TYW1B: variants seen among roughly 807,000 people sequenced by gnomAD.
TYW1B encodes the protein tRNA-yW synthesizing protein 1 homolog B.
In TYW1B, 73 loss-of-function variants were observed where a neutral mutation model predicts 86.9. That is an observed-to-expected ratio of 0.84 (90% CI 0.70 to 1.02). The LOEUF is 1.02. Ranked by LOEUF, TYW1B falls within the 50% of genes least tolerant of loss-of-function variation. The pLI is 0.00. For missense variants in TYW1B, 637 were observed against 827.4 expected (o/e 0.77, Z 2.82); for synonymous variants, 248 against 292.8 (o/e 0.85, Z 1.56).
At chr7:72,657,299 T>C (rs1554443797) in intron 11 of TYW1B, among the ~76,000 whole-genome samples, 1 of 152,080 alleles carries the variant, frequency 6.6e-6, no homozygotes, top group African/African-American at 2.4e-5. Context: ...CTCAGATTTT[T>C]TTAAAAAAGA....
intron 11 of TYW1B, among the ~76,000 whole-genome samples, chr7:72,635,376 G>A (rs1284433947): frequency 3.3e-5 from 5 of 152,210 alleles, no homozygotes; most frequent in African/African-American, 9.6e-5. Context: ...AACCAGGAGC[G>A]ATTCTGCACC....
intron 13 of TYW1B, among the ~76,000 whole-genome samples, chr7:72,604,048 G>A (rs1325493531): frequency 2.0e-5 from 3 of 152,102 alleles, no homozygotes; most frequent in Non-Finnish European, 4.4e-5. Context: ...TGTAACACAC[G>A]TACCACACCA....
intron 4 of TYW1B, among the ~76,000 whole-genome samples, chr7:72,808,178 T>G (rs1185481015): frequency 6.6e-6 from 1 of 152,060 alleles, no homozygotes; most frequent in Non-Finnish European, 1.5e-5. Flanking sequence ...AGAGGCCAGA[T>G]GCAGTGGCTC....
intron 13 of TYW1B, among the ~76,000 whole-genome samples, chr7:72,593,049 T>G: frequency 6.6e-6 from 1 of 152,068 alleles, no homozygotes; most frequent in East Asian, 1.9e-4. Context: ...ACACCTGTAA[T>G]CCCAGCACTT....
chr7:72,579,819 T>C (rs1312392865), intron 13 of TYW1B, among the ~76,000 whole-genome samples: 2 of 152,130 alleles, frequency 1.3e-5, no homozygotes, highest in East Asian at 3.9e-4. Context: ...CCCAACTAAT[T>C]TTTAAATTTT....
intron 6 of TYW1B, among the ~76,000 whole-genome samples, chr7:72,788,658 A>C (rs1211634544): frequency 1.3e-5 from 2 of 151,748 alleles, no homozygotes; most frequent in African/African-American, 4.8e-5. Context: ...TCAACCTCCC[A>C]AGTGGCTGGG....
chr7:72,677,467 T>C (rs1376929384), intron 11 of TYW1B, among the ~76,000 whole-genome samples: 1 of 152,024 alleles, frequency 6.6e-6, no homozygotes, highest in Non-Finnish European at 1.5e-5. Context: ...ATGTAAATTA[T>C]ACCTCAATTA....
intron 7 of TYW1B, chr7:72,769,034 A>G (rs1787822504): frequency 2.8e-6 from 1 of 352,434 alleles, no homozygotes; most frequent in East Asian, 7.7e-5. Flanking sequence ...TATTAAAAGA[A>G]GCCTACTCTC....
intron 11 of TYW1B, among the ~76,000 whole-genome samples, chr7:72,663,114 G>T (rs111921709): frequency 0.87 from 131,859 of 151,286 alleles, 57,542 homozygotes; most frequent in Middle Eastern, 0.88. Context: ...ATGATTCCAT[G>T]TAGAAGAAAT....
In TYW1B at chr7:72,729,841, C is replaced by T. The variant is rs1188035178; in HGVS notation, c.1083-910G>A. Reference sequence around the variant, plus strand: ...AGCAGCAGAGCTACCAGAAATAGCACAAGCTCCCCTAGGGTCTAAGAACCA... The same window carrying T: ...AGCAGCAGAGCTACCAGAAATAGCATAAGCTCCCCTAGGGTCTAAGAACCA... On this transcript the variant is annotated intron_variant, in intron 8 of 13. Transcript: ENST00000620995. Among the ~76,000 whole-genome samples, 4 of 152,140 alleles carry T rather than the reference C, an allele frequency of 2.6e-5. No homozygotes were observed. The South Asian group carries it at 8.3e-4, about 32-fold the overall frequency.
intron 13 of TYW1B, among the ~76,000 whole-genome samples, chr7:72,602,306 G>A (rs1811685138): frequency 6.6e-6 from 1 of 152,140 alleles, no homozygotes; most frequent in African/African-American, 2.4e-5. Context: ...GGATGGCTGA[G>A]GGTGGGAGCC....
At chr7:72,707,988 C>T (rs1814652476) in intron 10 of TYW1B, among the ~76,000 whole-genome samples, 1 of 152,216 alleles carries the variant, frequency 6.6e-6, no homozygotes, top group Admixed American at 6.5e-5. Flanking sequence ...CTGCTTTCCC[C>T]TTTGCCTTCC....
At chr7:72,820,458 C>T (rs1181184283) in intron 2 of TYW1B, among the ~76,000 whole-genome samples, 8 of 152,096 alleles carry the variant, frequency 5.3e-5, no homozygotes, top group African/African-American at 1.9e-4. Context: ...TGTTATGGGC[C>T]ACCATAAAAA....
intron 3 of TYW1B, among the ~76,000 whole-genome samples, chr7:72,812,303 G>A (rs542165712): frequency 8.5e-5 from 13 of 152,206 alleles, no homozygotes; most frequent in African/African-American, 2.9e-4. Flanking sequence ...TTTCGACTGC[G>A]TTTTGACCTT....
chr7:72,808,315 T>C (rs1190287016), intron 4 of TYW1B, among the ~76,000 whole-genome samples: 1 of 151,614 alleles, frequency 6.6e-6, no homozygotes, highest in East Asian at 1.9e-4. Context: ...GCTGGATGTG[T>C]GGTGGGCGCC....
In TYW1B at chr7:72,802,423, T is replaced by C. The variant is rs1788417469; in HGVS notation, c.823A>G (p.Met275Val). The change falls in exon 6 of 14, where the codon ATG becomes GTG. Residue 275 changes from methionine (M) to valine (V), a missense_variant. Met to Val is a conservative substitution (Grantham distance 21, BLOSUM62 1). Coordinates refer to ENST00000620995, the MANE Select transcript of TYW1B (RefSeq NM_001145440.3). ...IVDVEDLGKI[M>V]DHVKKEKREK... ...ACCTTTTCTTTCTTCACGTGATCCA[T>C]AATTTTGCCCAAATCTTCAACATCA... 6.2e-7 allele frequency: 1 copy of C among 1,613,788 alleles called. No individual in the cohort carries two copies. Among genetic ancestry groups the C allele is most frequent in the Non-Finnish European group, 8.5e-7 (1 of 1,179,842 alleles).
rs569502158 is a variant in TYW1B, at chr7:72,590,872, C to T, written c.1786-15153G>A. Among the ~76,000 whole-genome samples, 42 of 152,228 alleles carry T rather than the reference C, an allele frequency of 2.8e-4. 2 individuals are homozygous for T. The South Asian group carries it at 8.7e-3, about 32-fold the overall frequency. ...ACTGACCCTGAGAAAGGGTAGATGG[C>T]AGATCCACTAGAAACAGACTTTAAA... On this transcript the variant is annotated intron_variant, in intron 13 of 13. Coordinates refer to ENST00000620995, the MANE Select transcript of TYW1B (RefSeq NM_001145440.3).
chr7:72,780,293 T>C (rs1788029356), intron 6 of TYW1B, among the ~76,000 whole-genome samples: 1 of 152,150 alleles, frequency 6.6e-6, no homozygotes, highest in Non-Finnish European at 1.5e-5. Context: ...AGAAGTCTTG[T>C]GGTGAAGCAA....
intron 11 of TYW1B, among the ~76,000 whole-genome samples, chr7:72,661,749 T>C (rs1554444493): frequency 6.6e-6 from 1 of 152,030 alleles, no homozygotes; most frequent in African/African-American, 2.4e-5. Flanking sequence ...TGTTGTAGGA[T>C]ATAATCTTTG....
Sources: allele counts gnomAD v4.1 joint callset (sites outside exome capture counted in the v4.1 genomes callset), GRCh38; gene constraint gnomAD v4.1.1; transcripts MANE v1.5; gene names NCBI Gene and HGNC (gene_info 2026-07-23, HGNC 2026-07-21).